The following BRD2 variants were observed in gnomAD, a reference collection of about 807,000 sequenced individuals.
BRD2 encodes the protein bromodomain-containing protein 2.
Under a neutral mutation model 79.1 loss-of-function variants are expected in BRD2, and 15 were observed. That is an observed-to-expected ratio of 0.19 (90% CI 0.13 to 0.29). The LOEUF is 0.29. Among genes scored for constraint, BRD2 ranks in the 10% least tolerant of loss-of-function variants. BRD2 has a pLI of 1.00. For missense variants in BRD2, 1,053 were observed against 991.3 expected (o/e 1.06, Z -0.84); for synonymous variants, 488 against 358.6 (o/e 1.36, Z -4.08).
At chr6:32,973,517 G>A (rs1339260556) in intron 2 of BRD2, among the ~76,000 whole-genome samples, 1 of 152,130 alleles carries the variant, frequency 6.6e-6, no homozygotes, top group African/African-American at 2.4e-5. Context: ...ATTCAGGGCA[G>A]GAGGGTAGAG....
intron 9 of BRD2, 24 bp downstream of exon 9, chr6:32,978,029 T>C: frequency 2.5e-6 from 4 of 1,606,700 alleles, no homozygotes; most frequent in Non-Finnish European, 3.4e-6. Flanking sequence ...CTTGAAAGTT[T>C]TTATTGGGTA....
rs1343167928 is a variant in BRD2 at position 32,974,589 on chromosome 6, G to A, written c.157G>A (p.Ala53Thr). 2.5e-6 allele frequency: 4 copies of A among 1,614,110 alleles called. No homozygotes were observed. Among genetic ancestry groups the A allele is most frequent in the Non-Finnish European group, 3.4e-6 (4 of 1,180,042 alleles). The change falls in exon 3 of 13, where the codon GCT becomes ACT. Residue 53 changes from alanine to threonine, a missense_variant. Physicochemically the swap from Ala to Thr is moderately conservative, Grantham distance 58. Around this residue, in one of 5 missense-constraint regions of BRD2, gnomAD observed 413 missense variants for 335.1 expected, o/e 1.23. Coordinates refer to ENST00000374825, the MANE Select transcript of BRD2 (RefSeq NM_005104.4). ...GAGCCCCACAATGGCTTCGGTGCCTGCTTTGCAACTTACCCCTGCCAACCC... is the reference window on the plus strand; with the variant it reads ...GAGCCCCACAATGGCTTCGGTGCCTACTTTGCAACTTACCCCTGCCAACCC... ...FESPTMASVPALQLTPANPPP... is the reference protein window; with the variant it reads ...FESPTMASVPTLQLTPANPPP...
chr6:32,970,914 A>AGCC (rs1777889899), intron 1 of BRD2: 1 of 148,214 alleles, frequency 6.7e-6, no homozygotes, highest in South Asian at 2.2e-4. Context: ...TCTGAGCCGC[A>AGCC]GCCGCCGCCT....
intron 4 of BRD2, among the ~76,000 whole-genome samples, chr6:32,975,746 T>C (rs899397597): frequency 5.3e-5 from 8 of 152,138 alleles, no homozygotes; most frequent in Non-Finnish European, 1.2e-4. Flanking sequence ...TACTTGGGGG[T>C]GGTGGTCCTG....
In BRD2 at chr6:32,974,735, G is replaced by A; in HGVS notation, c.303G>A (p.Gln101=). The change falls in exon 3 of 13, where the codon CAG becomes CAA. Residue 101 remains glutamine, a synonymous_variant. Coordinates refer to ENST00000374825, the MANE Select transcript of BRD2 (RefSeq NM_005104.4). The part of the protein sequence containing the change: ...WKHQFAWPFR[Q]PVDAVKLGLP... ...ATCAGTTCGCATGGCCATTCCGGCAGCCTGTGGATGCTGTCAAACTGGGTC... is the reference window on the plus strand; with the variant it reads ...ATCAGTTCGCATGGCCATTCCGGCAACCTGTGGATGCTGTCAAACTGGGTC... 1 of 1,614,032 alleles carries A rather than the reference G, an allele frequency of 6.2e-7. No homozygotes were observed. Among genetic ancestry groups the A allele is most frequent in the Non-Finnish European group, 8.5e-7 (1 of 1,179,928 alleles).
At position 32,972,307 on chromosome 6, in the gene BRD2, G is replaced by C. The variant is rs753181206; in HGVS notation, c.-592G>C. 2.5e-6 allele frequency: 1 copy of C among 393,556 alleles called. No individual in the cohort carries two copies. Among genetic ancestry groups the C allele is most frequent in the Middle Eastern group, 3.7e-4 (1 of 2,708 alleles). The allele number at this position is 393,556 out of a possible 1,614,324, so 24.4% of individuals were successfully genotyped here. On this transcript the variant is annotated 5_prime_UTR_variant, in exon 2 of 13. Transcript: ENST00000374825. ...CCGCCATTACAATCCACCTCCATCC[G>C]CTTGGAAATGGCCTTCGTCCCGGCC...
At chr6:32,978,657 A>AT in intron 10 of BRD2, 1 of 577,676 alleles carries the variant, frequency 1.7e-6, no homozygotes, top group South Asian at 2.2e-5. Context: ...TGCAGCCTGG[A>AT]TATGTACCAT....
chr6:32,974,998 T>C, intron 3 of BRD2: 1 of 1,519,464 alleles, frequency 6.6e-7, no homozygotes, highest in African/African-American at 1.4e-5. Context: ...CCTTAACTTT[T>C]GTGCCCTGGC....
At chr6:32,975,658 A>G in intron 4 of BRD2, 137 bp downstream of exon 4, 1 of 1,085,422 alleles carries the variant, frequency 9.2e-7, no homozygotes, top group Non-Finnish European at 1.3e-6. Flanking sequence ...GAGTCTTAAA[A>G]ACCTGACTCT....
intron 4 of BRD2, 55 bp downstream of exon 4, chr6:32,975,576 A>G (rs776603597): frequency 3.2e-6 from 5 of 1,582,154 alleles, no homozygotes; most frequent in Non-Finnish European, 4.3e-6. Flanking sequence ...AACTTCTATT[A>G]TTGCTGGATA....
intron 2 of BRD2, among the ~76,000 whole-genome samples, chr6:32,974,247 G>C (rs990993426): frequency 2.6e-5 from 4 of 152,164 alleles, no homozygotes. Context: ...AAGAAGGTGG[G>C]ATCTAGATAG....
intron 1 of BRD2, 117 bp downstream of exon 1, chr6:32,969,173 C>T (rs868165806): frequency 1.6e-4 from 86 of 550,856 alleles, no homozygotes; most frequent in Middle Eastern, 5.0e-4. Context: ...GAAGATTTGT[C>T]CTTCAAACCT....
Position 32,974,682 on chromosome 6 carries a change from A to G in BRD2, c.250A>G (p.Lys84Glu). ...TACCAACCAGCTGCAATACCTACAC[A>G]AGGTAGTGATGAAGGCTCTGTGGAA... The part of the protein sequence containing the change: ...RVTNQLQYLH[K>E]VVMKALWKHQ... The change falls in exon 3 of 13, where the codon AAG (lysine) becomes GAG (glutamate). Residue 84 changes from lysine (K) to glutamate (E), a missense_variant. Transcript: ENST00000374825. 1 of 1,614,182 alleles carries G rather than the reference A, an allele frequency of 6.2e-7. No homozygotes were observed. The highest frequency in any genetic ancestry group is 8.5e-7 in the Non-Finnish European group (1 of 1,180,028).
intron 3 of BRD2, 53 bp from the exon 4 acceptor site, chr6:32,975,331 T>A (rs150850682): frequency 0.016 from 22,416 of 1,442,056 alleles, 247 homozygotes; most frequent in South Asian, 0.036. Context: ...ATCGGTAGTC[T>A]CCCTATAAGC....
At chr6:32,980,259 A>G (rs536237713) in intron 11 of BRD2, 83 bp from the exon 12 acceptor site, 27 of 1,585,402 alleles carry the variant, frequency 1.7e-5, no homozygotes, top group Middle Eastern at 1.7e-4. Flanking sequence ...CTGACGTTCA[A>G]GAAGGGAACT....
chr6:32,978,573 G>T, intron 10 of BRD2, 185 bp downstream of exon 10: 2 of 953,572 alleles, frequency 2.1e-6, no homozygotes, highest in East Asian at 2.6e-5. Context: ...CACAGACAGG[G>T]TTTGAGGGGA....
At position 32,977,532 on chromosome 6, in the gene BRD2, C is replaced by T. The variant is rs150234115; in HGVS notation, c.1291C>T (p.Pro431Ser). 2.5e-6 allele frequency: 4 copies of T among 1,613,960 alleles called. No individual in the cohort carries two copies. Among genetic ancestry groups the T allele is most frequent in the East Asian group, 2.2e-5 (1 of 44,900 alleles). ...CTCCAACTGCTATAAGTACAATCCC[C>T]CAGATCACGATGTTGTGGCAATGGC... is the stretch of plus-strand genomic sequence containing the variant. ...MFSNCYKYNPPDHDVVAMARK... is the reference protein window; with the variant it reads ...MFSNCYKYNPSDHDVVAMARK... The change falls in exon 8 of 13, where the codon CCA (proline) becomes TCA (serine). Residue 431 changes from proline (P) to serine (S), a missense_variant. By Grantham distance (74) the Pro-to-Ser change is moderately conservative. Transcript: ENST00000374825.
At position 32,971,998 on chromosome 6, in the gene BRD2, G is replaced by A. The variant is rs1292710176; in HGVS notation, c.-901G>A. 2.8e-6 allele frequency: 2 copies of A among 702,536 alleles called. No homozygotes were observed. Among genetic ancestry groups the A allele is most frequent in the Non-Finnish European group, 2.6e-6 (1 of 384,968 alleles). 43.5% of individuals were successfully genotyped at this position (702,536 alleles called of 1,614,324 possible). A position where few individuals can be genotyped will look rare whatever the true frequency, so the allele number is the denominator to read the frequency against. Reference sequence around the variant, plus strand: ...CTGACACCTTGGAAATGAAGTTTATGACGTCATCGTTGCGGCTGGCCAATA... The same window carrying A: ...CTGACACCTTGGAAATGAAGTTTATAACGTCATCGTTGCGGCTGGCCAATA... On this transcript the variant is annotated 5_prime_UTR_variant, in exon 2 of 13. The change abolishes an upstream ATG in the 5' untranslated region. Coordinates refer to ENST00000374825, the MANE Select transcript of BRD2 (RefSeq NM_005104.4).
intron 10 of BRD2, chr6:32,978,634 C>T: frequency 1.6e-6 from 1 of 618,678 alleles, no homozygotes; most frequent in Non-Finnish European, 2.8e-6. Flanking sequence ...CCATTGGATT[C>T]CCATAAGGAG....
Sources: allele counts gnomAD v4.1 joint callset (sites outside exome capture counted in the v4.1 genomes callset), GRCh38; gene constraint gnomAD v4.1.1; regional missense constraint gnomAD v4.1.1; transcripts MANE v1.5; gene names NCBI Gene and HGNC (gene_info 2026-07-23, HGNC 2026-07-21).